Variants in GRIA4 observed in about 807,000 individuals in gnomAD.
GRIA4 encodes glutamate ionotropic receptor AMPA type subunit 4, also known as glutamate receptor 4.
A neutral mutation model predicts 104.0 loss-of-function variants in GRIA4; 34 were observed. That is an observed-to-expected ratio of 0.33 (90% confidence interval 0.25 to 0.44). The LOEUF is 0.44. GRIA4 is among the 20% of genes least tolerant of loss of function. GRIA4 has a pLI of 1.00. For synonymous variants in GRIA4, 386 were observed against 381.9 expected (o/e 1.01, Z -0.13); for missense variants, 750 against 1,096.5 (o/e 0.68, Z 4.46).
intron 14 of GRIA4, among the ~76,000 whole-genome samples, chr11:105,960,598 C>CTT (rs1948716552): frequency 1.3e-5 from 2 of 152,198 alleles, no homozygotes; most frequent in Middle Eastern, 3.2e-3. Flanking sequence ...CTGGCTGCCG[C>CTT]CCCTCCCCCA....
intron 6 of GRIA4, among the ~76,000 whole-genome samples, chr11:105,888,765 G>C (rs1257715890): frequency 6.6e-6 from 1 of 152,088 alleles, no homozygotes; most frequent in Non-Finnish European, 1.5e-5. Flanking sequence ...TTGTGGATCT[G>C]AGATATTAAA....
chr11:105,781,831 C>T (rs1320820286), intron 4 of GRIA4, among the ~76,000 whole-genome samples: 1 of 152,146 alleles, frequency 6.6e-6, no homozygotes, highest in African/African-American at 2.4e-5. Context: ...ACCCTACCAC[C>T]ACCCAATAAA....
At chr11:105,673,102 T>C (rs1591540004) in intron 3 of GRIA4, among the ~76,000 whole-genome samples, 1 of 151,972 alleles carries the variant, frequency 6.6e-6, no homozygotes, top group Non-Finnish European at 1.5e-5. Flanking sequence ...TACCATCTGG[T>C]TCCTATTCAC....
At chr11:105,821,633 C>A (rs942174403) in intron 4 of GRIA4, among the ~76,000 whole-genome samples, 6 of 151,864 alleles carry the variant, frequency 4.0e-5, no homozygotes, top group Non-Finnish European at 7.4e-5. Context: ...CATGAGGGAT[C>A]CACCCCCATG....
At chr11:105,679,627 T>C (rs1401300282) in intron 3 of GRIA4, among the ~76,000 whole-genome samples, 3 of 152,256 alleles carry the variant, frequency 2.0e-5, no homozygotes, top group East Asian at 1.9e-4. Flanking sequence ...TACTTAAATA[T>C]TGATATAAAG....
intron 3 of GRIA4, among the ~76,000 whole-genome samples, chr11:105,639,463 T>A (rs1183837870): frequency 6.6e-6 from 1 of 151,964 alleles, no homozygotes; most frequent in Admixed American, 6.6e-5. Context: ...GTCAATTATT[T>A]CTCGTATGTC....
In GRIA4 at chr11:105,763,799, G is replaced by C. The variant is rs780361131; in HGVS notation, c.487+10579G>C. ...AGACATTCCTCTCTGGACCTTTTGT[G>C]TGCTTTCCAGATGATACCCTGCCAA... is the stretch of plus-strand genomic sequence containing the variant. On this transcript the variant is annotated intron_variant, in intron 4 of 16. Coordinates refer to ENST00000282499, the MANE Select transcript of GRIA4 (RefSeq NM_000829.4). Among the ~76,000 whole-genome samples, 3 of 152,186 alleles carry C rather than the reference G, an allele frequency of 2.0e-5. No homozygotes were observed. In the South Asian group the frequency reaches 6.2e-4, roughly 31 times the overall value.
intron 3 of GRIA4, among the ~76,000 whole-genome samples, chr11:105,711,160 A>G (rs916277807): frequency 2.7e-4 from 41 of 152,232 alleles, no homozygotes; most frequent in African/African-American, 9.1e-4. Flanking sequence ...CCTGATCTGG[A>G]TCAAACCTAG....
intron 4 of GRIA4, among the ~76,000 whole-genome samples, chr11:105,846,610 A>G (rs562679000): frequency 1.3e-5 from 2 of 152,332 alleles, no homozygotes; most frequent in African/African-American, 4.8e-5. Flanking sequence ...AAGGGCTGAT[A>G]CAACAATGAT....
chr11:105,939,546 C>A (rs1048586444), intron 14 of GRIA4, among the ~76,000 whole-genome samples: 2 of 152,124 alleles, frequency 1.3e-5, no homozygotes, highest in African/African-American at 4.8e-5. Context: ...TATTTAAATT[C>A]TCCCAGAAAG....
chr11:105,827,582 C>A (rs1163566603), intron 4 of GRIA4, among the ~76,000 whole-genome samples: 4 of 151,742 alleles, frequency 2.6e-5, no homozygotes, highest in Non-Finnish European at 4.4e-5. Context: ...TATTCTGGTA[C>A]CACCGTCATT....
intron 4 of GRIA4, among the ~76,000 whole-genome samples, chr11:105,839,582 A>G (rs1944318140): frequency 6.6e-6 from 1 of 151,970 alleles, no homozygotes; most frequent in African/African-American, 2.4e-5. Flanking sequence ...AGCACAACCA[A>G]TAATTTCTGA....
At chr11:105,635,106 T>A (rs1165426114) in intron 3 of GRIA4, among the ~76,000 whole-genome samples, 1 of 152,184 alleles carries the variant, frequency 6.6e-6, no homozygotes. Flanking sequence ...CTACAACTTT[T>A]CTTTCCTAAA....
intron 4 of GRIA4, 132 bp from the exon 5 acceptor site, chr11:105,861,892 C>A: frequency 1.6e-6 from 1 of 619,586 alleles, no homozygotes; most frequent in Non-Finnish European, 2.9e-6. Context: ...CAGAAATAAC[C>A]ACACAGACTT....
At chr11:105,751,403 A>T (rs1463822479) in intron 3 of GRIA4, among the ~76,000 whole-genome samples, 1 of 152,206 alleles carries the variant, frequency 6.6e-6, no homozygotes, top group East Asian at 1.9e-4. Context: ...AGATCACTTA[A>T]GTTATAAGAA....
chr11:105,812,897 C>T (rs1318584501), intron 4 of GRIA4, among the ~76,000 whole-genome samples: 1 of 151,856 alleles, frequency 6.6e-6, no homozygotes, highest in South Asian at 2.1e-4. Flanking sequence ...GTCAGGAGAT[C>T]GAGACCATCC....
At chr11:105,613,441 T>C (rs1290744104) in intron 3 of GRIA4, 3 of 152,210 alleles carry the variant, frequency 2.0e-5, no homozygotes, top group Non-Finnish European at 2.9e-5. Context: ...AGGAATAGTT[T>C]CTACATACAA....
At chr11:105,935,657 T>A (rs1441356529) in intron 14 of GRIA4, among the ~76,000 whole-genome samples, 1 of 152,198 alleles carries the variant, frequency 6.6e-6, no homozygotes, top group Non-Finnish European at 1.5e-5. Context: ...ATTCACTGGA[T>A]GTCTCTCTTG....
Position 105,759,557 on chromosome 11 carries a change from G to C in GRIA4, c.487+6337G>C, listed in dbSNP as rs141583421. Reference sequence around the variant, plus strand: ...CATATAAAGTCCAAATTTAAAAGATGCTCCACAATCTGTCTCCTGATTGTT... The same window carrying C: ...CATATAAAGTCCAAATTTAAAAGATCCTCCACAATCTGTCTCCTGATTGTT... On this transcript the variant is annotated intron_variant, in intron 4 of 16. Coordinates refer to ENST00000282499, the MANE Select transcript of GRIA4 (RefSeq NM_000829.4). 3.4e-4 allele frequency among the ~76,000 whole-genome samples: 52 copies of C among 152,016 alleles called. 1 individual carries two copies. The highest frequency in any genetic ancestry group is 1.0e-3 in the African/African-American group (43 of 41,396).
Sources: allele counts gnomAD v4.1 joint callset (sites outside exome capture counted in the v4.1 genomes callset), GRCh38; gene constraint gnomAD v4.1.1; transcripts MANE v1.5; gene names NCBI Gene and HGNC (gene_info 2026-07-23, HGNC 2026-07-21).